Variants in AGMO observed in about 807,000 individuals in gnomAD.
The protein encoded by AGMO is glyceryl-ether monooxygenase.
A neutral mutation model predicts 60.2 loss-of-function variants in AGMO; 75 were observed. That is an observed-to-expected ratio of 1.25 (90% CI 1.03 to 1.51). AGMO has a LOEUF of 1.51. Among genes scored for constraint, AGMO ranks in the 40% most tolerant of loss-of-function variants. AGMO has a pLI of 0.00. For synonymous variants in AGMO, 261 were observed against 177.1 expected (o/e 1.47, Z -3.76); for missense variants, 763 against 525.5 (o/e 1.45, Z -4.42).
rs1024890605 is a variant in AGMO, at chr7:15,561,905, G to A, written c.-60C>T. 11 of 1,521,210 alleles carry A rather than the reference G, an allele frequency of 7.2e-6. No homozygotes were observed. In the South Asian group the frequency reaches 1.4e-4, roughly 19 times the overall value. The allele number at this position is 1,521,210 out of a possible 1,614,324, so 94.2% of individuals were successfully genotyped here. ...TTAGGATTCAATGCTTGAAGCCTGA[G>A]GCTGAACAAAGAGGACGAGATGTGC... On this transcript the variant is annotated 5_prime_UTR_variant, in exon 1 of 13. Transcript: ENST00000342526.
At chr7:15,319,122 T>C (rs576549059) in intron 12 of AGMO, among the ~76,000 whole-genome samples, 2 of 152,298 alleles carry the variant, frequency 1.3e-5, no homozygotes, top group South Asian at 2.1e-4. Context: ...TTTCAAGAAG[T>C]TGATTGTTAA....
In AGMO at chr7:15,372,581, T is replaced by C. The variant is rs115414867; in HGVS notation, c.1075-6359A>G. Among the ~76,000 whole-genome samples the C allele has an allele frequency of 5.4e-3, 825 of 152,282 alleles. 11 individuals are homozygous for C. Among genetic ancestry groups the C allele is most frequent in the African/African-American group, 0.019 (774 of 41,566 alleles). ...AACAAAATCCCTGCCCTTGAATTCA[T>C]ACCACCTTAGTATTTGCCCGTAAGA... On this transcript the variant is annotated intron_variant, in intron 10 of 12. Coordinates refer to ENST00000342526, the MANE Select transcript of AGMO (RefSeq NM_001004320.2).
chr7:15,354,171 C>T (rs1782361213), intron 12 of AGMO, among the ~76,000 whole-genome samples: 1 of 150,940 alleles, frequency 6.6e-6, no homozygotes, highest in African/African-American at 2.4e-5. Context: ...AATAAATCAC[C>T]CCAAATGGCT....
chr7:15,279,363 C>G (rs1016646820), intron 12 of AGMO, among the ~76,000 whole-genome samples: 4 of 152,172 alleles, frequency 2.6e-5, no homozygotes, highest in African/African-American at 9.7e-5. Context: ...CTTAGAAGAT[C>G]TACTTGAATT....
chr7:15,332,307 G>T (rs4295557), intron 12 of AGMO, among the ~76,000 whole-genome samples: 1 of 151,822 alleles, frequency 6.6e-6, no homozygotes, highest in Non-Finnish European at 1.5e-5. Context: ...TCTGTGCCTG[G>T]TTCTGGTACA....
At chr7:15,377,423 C>G (rs1783498488) in intron 10 of AGMO, among the ~76,000 whole-genome samples, 1 of 151,844 alleles carries the variant, frequency 6.6e-6, no homozygotes, top group Non-Finnish European at 1.5e-5. Flanking sequence ...GAAAACCATG[C>G]TGTAAGTCAC....
chr7:15,234,546 G>C (rs372360735), intron 12 of AGMO, among the ~76,000 whole-genome samples: 47 of 152,138 alleles, frequency 3.1e-4, no homozygotes, highest in African/African-American at 1.1e-3. Flanking sequence ...GTTTTGTTTT[G>C]TTTTTGTGTT....
chr7:15,354,283 G>A (rs192606051), intron 12 of AGMO, among the ~76,000 whole-genome samples: 40 of 115,580 alleles, frequency 3.5e-4, no homozygotes, highest in African/African-American at 1.3e-3. Context: ...TGTATATCAC[G>A]AATGAGATAA....
At chr7:15,312,765 C>T (rs1052896797) in intron 12 of AGMO, among the ~76,000 whole-genome samples, 2 of 151,674 alleles carry the variant, frequency 1.3e-5, no homozygotes, top group African/African-American at 2.4e-5. Flanking sequence ...CTCACTGCAA[C>T]CTCTGCCTCC....
At chr7:15,446,756 A>G (rs530824055) in intron 3 of AGMO, among the ~76,000 whole-genome samples, 9 of 152,308 alleles carry the variant, frequency 5.9e-5, no homozygotes, top group African/African-American at 2.2e-4. Context: ...CATTTTTGGC[A>G]GTTAGATAAT....
the AGMO span, among the ~76,000 whole-genome samples, chr7:15,166,744 A>ATTG: frequency 2.0e-5 from 3 of 152,188 alleles, no homozygotes; most frequent in African/African-American, 7.2e-5. Flanking sequence ...TTACTGTAAC[A>ATTG]TCAATAGGAT....
intron 12 of AGMO, among the ~76,000 whole-genome samples, chr7:15,281,282 T>C (rs184227872): frequency 6.6e-6 from 1 of 152,234 alleles, no homozygotes; most frequent in East Asian, 1.9e-4. Context: ...GGAGACTTCT[T>C]TCTCCCCTTG....
intron 5 of AGMO, among the ~76,000 whole-genome samples, chr7:15,401,186 A>G (rs1286433998): frequency 6.6e-6 from 1 of 151,824 alleles, no homozygotes; most frequent in Non-Finnish European, 1.5e-5. Context: ...TCCCATTTAA[A>G]TTGAAAAATA....
intron 3 of AGMO, among the ~76,000 whole-genome samples, chr7:15,523,777 A>T (rs1037892097): frequency 5.3e-5 from 8 of 152,132 alleles, no homozygotes; most frequent in Non-Finnish European, 8.8e-5. Context: ...TGGCACATGT[A>T]TACCTATGTG....
intron 12 of AGMO, among the ~76,000 whole-genome samples, chr7:15,335,295 CA>C (rs1781622459): frequency 6.6e-6 from 1 of 151,970 alleles, no homozygotes; most frequent in Admixed American, 6.6e-5. Context: ...TATGAAAATT[CA>C]AAAAGACATT....
intron 12 of AGMO, among the ~76,000 whole-genome samples, chr7:15,293,768 TA>T (rs2128523146): frequency 6.6e-6 from 1 of 152,330 alleles, no homozygotes; most frequent in African/African-American, 2.4e-5. Flanking sequence ...AGTATTAAAC[TA>T]ATATTTTATG....
At chr7:15,386,191 AAG>A (rs139040733) in intron 9 of AGMO, among the ~76,000 whole-genome samples, 25 of 71,966 alleles carry the variant, frequency 3.5e-4, no homozygotes, top group African/African-American at 1.4e-3. Flanking sequence ...AAGAAAAGAA[AAG>A]AAAAAAAAGG....
chr7:15,321,293 C>A (rs77536715), intron 12 of AGMO, among the ~76,000 whole-genome samples: 2,027 of 152,196 alleles, frequency 0.013, 41 homozygotes, highest in African/African-American at 0.047. Context: ...CCACAAACCC[C>A]AAACGGATGT....
At chr7:15,468,500 T>G (rs560251718) in intron 3 of AGMO, among the ~76,000 whole-genome samples, 32 of 152,206 alleles carry the variant, frequency 2.1e-4, no homozygotes, top group African/African-American at 6.5e-4. Context: ...TTTAAACATG[T>G]AATAATTATA....
Sources: gnomAD v4.1 joint callset for allele counts (sites outside exome capture counted in the v4.1 genomes callset) on GRCh38, gnomAD v4.1.1 for gene constraint, MANE v1.5 for transcripts, NCBI Gene and HGNC (gene_info 2026-07-23, HGNC 2026-07-21) for gene names.